The following SUPV3L1 variants were observed in gnomAD, a reference collection of about 807,000 sequenced individuals.
SUPV3L1 encodes the protein Suv3 like RNA helicase, also known as ATP-dependent RNA helicase SUPV3L1, mitochondrial.
Under a neutral mutation model 70.0 loss-of-function variants are expected in SUPV3L1, and 35 were observed. That is an observed-to-expected ratio of 0.50 (90% CI 0.38 to 0.66). The LOEUF (loss-of-function observed/expected upper bound fraction) is 0.66. Ranked by LOEUF, SUPV3L1 falls within the 30% of genes least tolerant of loss-of-function variation. The pLI is 0.00. For missense variants in SUPV3L1, 777 were observed against 961.5 expected, an observed-to-expected ratio of 0.81 and a Z score of 2.54; for synonymous variants, 364 against 341.9, an observed-to-expected ratio of 1.06 and a Z score of -0.71.
intron 1 of SUPV3L1, among the ~76,000 whole-genome samples, chr10:69,183,392 G>A (rs980675044): frequency 1.7e-4 from 26 of 152,222 alleles, no homozygotes; most frequent in Middle Eastern, 3.4e-3. Context: ...CTTTTAAAAA[G>A]ACTAGGCTGG....
In SUPV3L1 at chr10:69,202,210, A is replaced by G. The variant is rs1240343605; in HGVS notation, c.1519-229A>G. Among the ~76,000 whole-genome samples, 3 of 152,176 alleles carry G rather than the reference A, an allele frequency of 2.0e-5. No homozygotes were observed. In the East Asian group the frequency reaches 5.8e-4, roughly 29 times the overall value. ...AATATAACTAAAATGTAAGCAAAAGACTAATTTCTCAGTGGCCATAATCTG... is the reference window on the plus strand; with the variant it reads ...AATATAACTAAAATGTAAGCAAAAGGCTAATTTCTCAGTGGCCATAATCTG... On this transcript the variant is annotated intron_variant, in intron 11 of 14. Transcript: ENST00000359655.
chr10:69,199,937 T>C (rs1842641588), intron 10 of SUPV3L1, among the ~76,000 whole-genome samples: 1 of 152,178 alleles, frequency 6.6e-6, no homozygotes, highest in Non-Finnish European at 1.5e-5. Flanking sequence ...TTCAAACTCC[T>C]GGGCTCAAGC....
chr10:69,189,646 C>CTTTTTTT (rs34718589), intron 5 of SUPV3L1, among the ~76,000 whole-genome samples: 4 of 125,046 alleles, frequency 3.2e-5, no homozygotes, highest in Non-Finnish European at 6.5e-5. Flanking sequence ...GCTATCAATT[C>CTTTTTTT]TTTTTTTTTT....
At chr10:69,186,114 C>A in intron 2 of SUPV3L1, 50 bp downstream of exon 2, 1 of 1,520,468 alleles carries the variant, frequency 6.6e-7, no homozygotes, top group Non-Finnish European at 9.1e-7. Context: ...TCTTACGGTA[C>A]AGCTTGGTCA....
chr10:69,204,138 A>G (rs1051080787), intron 13 of SUPV3L1, among the ~76,000 whole-genome samples: 6 of 152,242 alleles, frequency 3.9e-5, no homozygotes, highest in African/African-American at 7.2e-5. Flanking sequence ...AGACATTGCA[A>G]TGATAATTAT....
At chr10:69,204,064 A>G (rs1842757961) in intron 13 of SUPV3L1, among the ~76,000 whole-genome samples, 1 of 152,164 alleles carries the variant, frequency 6.6e-6, no homozygotes, top group African/African-American at 2.4e-5. Flanking sequence ...AAAGGATCCA[A>G]ATGTCCAACA....
chr10:69,185,900 T>G, intron 1 of SUPV3L1, 87 bp from the exon 2 acceptor site: 6 of 944,484 alleles, frequency 6.4e-6, no homozygotes, highest in Non-Finnish European at 1.0e-5. Context: ...ACTGCTGCCT[T>G]TAGTGTTATT....
Position 69,183,763 on chromosome 10 carries a change from G to A in SUPV3L1, c.272-2224G>A, listed in dbSNP as rs143397910. ...AAAGTGTATAATTCACTGGGTTTTA[G>A]TGTATTTGCAGGATTGTACAATCAT... is the stretch of plus-strand genomic sequence containing the variant. On this transcript the variant is annotated intron_variant, in intron 1 of 14. Coordinates refer to ENST00000359655, the MANE Select transcript of SUPV3L1 (RefSeq NM_003171.5). Among the ~76,000 whole-genome samples, 370 of 152,166 alleles carry A rather than the reference G, an allele frequency of 2.4e-3. 7 individuals are homozygous for A. Among genetic ancestry groups the A allele is most frequent in the Admixed American group, 0.022 (336 of 15,282 alleles).
chr10:69,186,616 C>A, intron 3 of SUPV3L1, 66 bp downstream of exon 3: 1 of 1,352,292 alleles, frequency 7.4e-7, no homozygotes, highest in Non-Finnish European at 1.0e-6. Flanking sequence ...ATACTTCATG[C>A]TCATTTCTCT....
chr10:69,187,814 G>T, intron 4 of SUPV3L1, 58 bp downstream of exon 4: 1 of 1,152,078 alleles, frequency 8.7e-7, no homozygotes, highest in Admixed American at 2.5e-5. Context: ...GATGATTCGT[G>T]GTCATTATTT....
chr10:69,180,698 C>G, intron 1 of SUPV3L1, 136 bp downstream of exon 1: 1 of 1,215,960 alleles, frequency 8.2e-7, no homozygotes, highest in Non-Finnish European at 1.1e-6. Flanking sequence ...CAGTGTCTGC[C>G]TCCTTCGCTG....
chr10:69,186,653 G>A, intron 3 of SUPV3L1, 103 bp downstream of exon 3: 1 of 924,150 alleles, frequency 1.1e-6, no homozygotes, highest in Non-Finnish European at 1.7e-6. Context: ...TTTAGAGTGG[G>A]TCTGGTAACA....
At chr10:69,198,614 GAT>G in intron 9 of SUPV3L1, 62 bp downstream of exon 9, 1 of 1,495,666 alleles carries the variant, frequency 6.7e-7, no homozygotes, top group East Asian at 2.3e-5. Context: ...TTTATGTTGA[GAT>G]ATATATAAAA....
At chr10:69,208,438 G>A (rs1323455576) in intron 14 of SUPV3L1, among the ~76,000 whole-genome samples, 162 bp from the exon 15 acceptor site, 1 of 152,210 alleles carries the variant, frequency 6.6e-6, no homozygotes, top group Non-Finnish European at 1.5e-5. Flanking sequence ...ATATTCCTCC[G>A]ATATGTGGGG....
At chr10:69,197,178 A>G (rs1842565766) in intron 8 of SUPV3L1, 95 bp downstream of exon 8, 1 of 934,734 alleles carries the variant, frequency 1.1e-6, no homozygotes, top group East Asian at 2.4e-5. Context: ...TGCCAGCGTC[A>G]GAACTTAACT....
intron 3 of SUPV3L1, chr10:69,187,365 T>TTTTTTTTTTTTTTTTTA (rs1235816061): frequency 6.5e-6 from 1 of 153,784 alleles, no homozygotes; most frequent in Non-Finnish European, 1.4e-5. Context: ...TTTTTTTTTT[T>TTTTTTTTTTTTTTTTTA]TGTGACACGG....
At chr10:69,195,393 CTAAG>C (rs1167076239) in intron 7 of SUPV3L1, 128 bp downstream of exon 7, 2 of 487,176 alleles carry the variant, frequency 4.1e-6, no homozygotes, top group East Asian at 3.5e-5. Context: ...AAAAAGTAAA[CTAAG>C]TATGAGTTTT....
intron 13 of SUPV3L1, among the ~76,000 whole-genome samples, chr10:69,203,996 A>G (rs1446289054): frequency 6.6e-6 from 1 of 152,094 alleles, no homozygotes; most frequent in Non-Finnish European, 1.5e-5. Flanking sequence ...AAGTGCTGGG[A>G]TTACAGGCAT....
Position 69,200,500 on chromosome 10 carries a change from G to A in SUPV3L1, c.1518+1G>A. The A allele has an allele frequency of 6.2e-7, 1 of 1,610,416 alleles. No individual in the cohort carries two copies. Among genetic ancestry groups the A allele is most frequent in the Non-Finnish European group, 8.5e-7 (1 of 1,176,962 alleles). ...GAAGAGGCCTGTGGATCCTATAAGGGTAAGAGGTAACATGTTAACTACTGC... is the reference window on the plus strand; with the variant it reads ...GAAGAGGCCTGTGGATCCTATAAGGATAAGAGGTAACATGTTAACTACTGC... On this transcript the variant is annotated splice_donor_variant, in intron 11 of 14. Coordinates refer to ENST00000359655, the MANE Select transcript of SUPV3L1 (RefSeq NM_003171.5). LOFTEE classifies it high-confidence loss of function.
Sources: gnomAD v4.1 joint callset for allele counts (sites outside exome capture counted in the v4.1 genomes callset) on GRCh38, gnomAD v4.1.1 for gene constraint, MANE v1.5 for transcripts, NCBI Gene and HGNC (gene_info 2026-07-23, HGNC 2026-07-21) for gene names.